Variants in FIG4 observed in about 807,000 individuals in gnomAD.
FIG4 encodes the protein FIG4 phosphoinositide 5-phosphatase.
FIG4 carries 112 observed loss-of-function variants against 118.6 expected under a neutral mutation model. The observed-to-expected ratio is 0.94, with a 90% confidence interval of 0.81 to 1.11. The LOEUF is 1.11. Among genes scored for constraint, FIG4 ranks in the 50% least tolerant of loss-of-function variants. The pLI, the probability that FIG4 is intolerant of heterozygous loss-of-function variation, is 0.00. For synonymous variants in FIG4, 369 were observed against 381.2 expected (o/e 0.97, Z 0.37); for missense variants, 969 against 1,111.7 (o/e 0.87, Z 1.83).
At chr6:109,749,213 G>A (rs918397884) in intron 10 of FIG4, among the ~76,000 whole-genome samples, 1 of 151,942 alleles carries the variant, frequency 6.6e-6, no homozygotes, top group African/African-American at 2.4e-5. Flanking sequence ...CTTTGTAATT[G>A]TATCCCACTA....
intron 20 of FIG4, among the ~76,000 whole-genome samples, chr6:109,792,119 G>T (rs1281876097): frequency 6.6e-6 from 1 of 152,182 alleles, no homozygotes; most frequent in Admixed American, 6.5e-5. Context: ...CCAGAAGTTG[G>T]CAAACTATGA....
intron 19 of FIG4, among the ~76,000 whole-genome samples, chr6:109,790,396 C>T (rs760639984): frequency 1.3e-5 from 2 of 152,150 alleles, no homozygotes; most frequent in South Asian, 2.1e-4. Flanking sequence ...TTAAATAGCT[C>T]ATGTTAAGCC....
chr6:109,789,722 G>T, intron 19 of FIG4, 45 bp downstream of exon 19: 2 of 1,316,824 alleles, frequency 1.5e-6, no homozygotes, highest in South Asian at 1.2e-5. Context: ...TTGTGTAAAA[G>T]AATAGTACTT....
chr6:109,769,463 A>C (rs1475235587), intron 15 of FIG4, among the ~76,000 whole-genome samples: 94 of 152,300 alleles, frequency 6.2e-4, no homozygotes, highest in Non-Finnish European at 5.9e-5. Flanking sequence ...GCATGATATC[A>C]TTGGGGTGTA....
At chr6:109,700,659 G>T (rs1324703972) in intron 1 of FIG4, among the ~76,000 whole-genome samples, 1 of 152,198 alleles carries the variant, frequency 6.6e-6, no homozygotes, top group African/African-American at 2.4e-5. Flanking sequence ...GACATGACAT[G>T]ACACCACAAG....
chr6:109,707,384 TAC>T (rs1775114247), intron 1 of FIG4, among the ~76,000 whole-genome samples: 1 of 148,114 alleles, frequency 6.8e-6, no homozygotes, highest in African/African-American at 2.5e-5. Flanking sequence ...TATACATATA[TAC>T]ACATATGTAT....
At chr6:109,696,256 C>T (rs1470211284) in intron 1 of FIG4, among the ~76,000 whole-genome samples, 1 of 152,188 alleles carries the variant, frequency 6.6e-6, no homozygotes, top group Non-Finnish European at 1.5e-5. Context: ...TGTTATCCTT[C>T]CTAGTACTTC....
At chr6:109,765,269 T>A in intron 14 of FIG4, 108 bp downstream of exon 14, 1 of 858,618 alleles carries the variant, frequency 1.2e-6, no homozygotes, top group Non-Finnish European at 1.9e-6. Context: ...TCTCAAAAAT[T>A]ATGTTGCTAG....
intron 22 of FIG4, among the ~76,000 whole-genome samples, chr6:109,802,936 G>T (rs1306714215): frequency 1.3e-5 from 2 of 151,992 alleles, no homozygotes; most frequent in Non-Finnish European, 2.9e-5. Flanking sequence ...TTAACATATT[G>T]CCCGTTTTAT....
At chr6:109,694,336 G>C (rs993294300) in intron 1 of FIG4, among the ~76,000 whole-genome samples, 1 of 152,156 alleles carries the variant, frequency 6.6e-6, no homozygotes, top group South Asian at 2.1e-4. Context: ...ATGTATACTG[G>C]GGAAAGGACA....
intron 22 of FIG4, among the ~76,000 whole-genome samples, chr6:109,799,887 T>A (rs1031868709): frequency 1.3e-5 from 2 of 152,052 alleles, no homozygotes; most frequent in Non-Finnish European, 2.9e-5. Context: ...TTTGTGTGAG[T>A]GGGACCCCTC....
rs1287611836 is a variant in FIG4, at chr6:109,727,266, G to A, written c.446+1G>A. 2 of 1,602,326 alleles carry A rather than the reference G, an allele frequency of 1.2e-6. No homozygotes were observed. The highest frequency in any genetic ancestry group is 8.5e-7 in the Non-Finnish European group (1 of 1,175,534). On this transcript the variant is annotated splice_donor_variant, in intron 4 of 22. Coordinates refer to ENST00000230124, the MANE Select transcript of FIG4 (RefSeq NM_014845.6). LOFTEE classifies it high-confidence loss of function. ...GGGTTACTCATCCTGATGAAGCTAG[G>A]TATGTATGGTGGTAACTACCTTTTT...
intron 22 of FIG4, among the ~76,000 whole-genome samples, chr6:109,799,012 T>C (rs1470537089): frequency 6.6e-6 from 1 of 152,128 alleles, no homozygotes; most frequent in African/African-American, 2.4e-5. Context: ...ATTATTCCAC[T>C]AAAATAATAT....
chr6:109,703,052 A>T (rs923225274), intron 1 of FIG4, among the ~76,000 whole-genome samples: 4 of 152,068 alleles, frequency 2.6e-5, no homozygotes, highest in Non-Finnish European at 5.9e-5. Flanking sequence ...TCGTTTTGGT[A>T]GAGTACTTCC....
intron 15 of FIG4, among the ~76,000 whole-genome samples, chr6:109,773,398 C>G (rs942302000): frequency 1.3e-5 from 2 of 152,100 alleles, no homozygotes; most frequent in Non-Finnish European, 2.9e-5. Flanking sequence ...CACAAACTTA[C>G]CATTTCTGAG....
intron 1 of FIG4, among the ~76,000 whole-genome samples, chr6:109,698,709 T>C (rs1774810687): frequency 6.6e-6 from 1 of 152,230 alleles, no homozygotes; most frequent in Non-Finnish European, 1.5e-5. Flanking sequence ...AAATTGTGAG[T>C]GGATGTTGAA....
intron 22 of FIG4, among the ~76,000 whole-genome samples, chr6:109,816,118 T>C (rs955155902): frequency 3.9e-5 from 6 of 152,132 alleles, no homozygotes; most frequent in African/African-American, 1.4e-4. Context: ...AGTTCTCCAT[T>C]TGAATGTAAC....
At chr6:109,813,320 A>T (rs1363592887) in intron 22 of FIG4, among the ~76,000 whole-genome samples, 1 of 152,170 alleles carries the variant, frequency 6.6e-6, no homozygotes, top group Non-Finnish European at 1.5e-5. Flanking sequence ...ATCACAATAC[A>T]ATCAGGAAAA....
intron 1 of FIG4, among the ~76,000 whole-genome samples, chr6:109,697,624 C>T (rs1774770740): frequency 6.6e-6 from 1 of 152,144 alleles, no homozygotes; most frequent in African/African-American, 2.4e-5. Context: ...AGAAGTCACA[C>T]TCTTATCATT....
Sources: gnomAD v4.1 joint callset for allele counts (sites outside exome capture counted in the v4.1 genomes callset) on GRCh38, gnomAD v4.1.1 for gene constraint, MANE v1.5 for transcripts, NCBI Gene and HGNC (gene_info 2026-07-23, HGNC 2026-07-21) for gene names.